Variants in WBP4 observed in about 807,000 individuals in gnomAD.
WBP4 encodes WW domain binding protein 4.
Under a neutral mutation model 55.4 loss-of-function variants are expected in WBP4, and 37 were observed. That is an observed-to-expected ratio of 0.67 (90% confidence interval 0.51 to 0.88). The LOEUF is 0.88. Ranked by LOEUF, WBP4 falls within the 40% of genes least tolerant of loss-of-function variation. The probability of loss-of-function intolerance (pLI) is 0.00; values close to 1 mark genes in which losing one functional copy is unlikely to be tolerated. For synonymous variants in WBP4, 142 were observed against 140.2 expected, an observed-to-expected ratio of 1.01 and a Z score of -0.09; for missense variants, 398 against 420.8, an observed-to-expected ratio of 0.95 and a Z score of 0.47.
chr13:41,081,743 G>C (rs549035843), intron 9 of WBP4, among the ~76,000 whole-genome samples: 1 of 152,128 alleles, frequency 6.6e-6, no homozygotes, highest in Admixed American at 6.6e-5. Flanking sequence ...GAGCCCAGGA[G>C]TTGGAGGCTG....
chr13:41,066,480 A>G (rs566900560), intron 4 of WBP4, among the ~76,000 whole-genome samples: 1 of 152,086 alleles, frequency 6.6e-6, no homozygotes, highest in Non-Finnish European at 1.5e-5. Flanking sequence ...TTTTTCCCTC[A>G]GTGATATATC....
At chr13:41,074,333 T>TGTTTTTTTAATTCCTGTTATCATTA (rs1878384040) in intron 7 of WBP4, among the ~76,000 whole-genome samples, 1 of 152,218 alleles carries the variant, frequency 6.6e-6, no homozygotes. Flanking sequence ...GGCTTGTTTT[T>TGTTTTTTTAATTCCTGTTATCATTA]GTTTTTTTAA....
At position 41,065,292 on chromosome 13, in the gene WBP4, A is replaced by C; in HGVS notation, c.262+5A>C. 9 of 592,220 alleles carry C rather than the reference A, an allele frequency of 1.5e-5. No individual in the cohort carries two copies. Among genetic ancestry groups the C allele is most frequent in the Non-Finnish European group, 2.2e-5 (9 of 406,126 alleles). The allele number at this position is 592,220 out of a possible 1,614,324, so 36.7% of individuals were successfully genotyped here. On this transcript the variant is annotated splice_donor_5th_base_variant and intron_variant, in intron 4 of 9. Transcript: ENST00000379487. The stretch of plus-strand genomic sequence containing the variant: ...AAAGACTTGGCTTAGAGTCAGGTAA[A>C]AAAAAAAAAAAAAAAAAAGCAGCCA...
intron 8 of WBP4, among the ~76,000 whole-genome samples, chr13:41,079,999 G>A (rs1566214786): frequency 6.6e-6 from 1 of 151,582 alleles, no homozygotes; most frequent in Non-Finnish European, 1.5e-5. Context: ...CTTATAAGTG[G>A]GAGCTAAACA....
At chr13:41,064,931 C>T (rs1877880573) in intron 2 of WBP4, 85 bp from the exon 3 acceptor site, 11 of 1,232,952 alleles carry the variant, frequency 8.9e-6, no homozygotes, top group Non-Finnish European at 1.2e-5. Flanking sequence ...TTAATTTTCT[C>T]ATGTTTATGA....
intron 4 of WBP4, among the ~76,000 whole-genome samples, chr13:41,066,141 T>C (rs1877963190): frequency 1.3e-5 from 2 of 152,218 alleles, no homozygotes; most frequent in Non-Finnish European, 2.9e-5. Flanking sequence ...TATGTTCATC[T>C]TGAAAGGAAA....
intron 5 of WBP4, among the ~76,000 whole-genome samples, chr13:41,070,795 G>A (rs1878209247): frequency 6.6e-6 from 1 of 152,070 alleles, no homozygotes; most frequent in Non-Finnish European, 1.5e-5. Flanking sequence ...AGCAAAAGAA[G>A]GTTAAGAATG....
intron 8 of WBP4, among the ~76,000 whole-genome samples, chr13:41,080,141 A>T (rs1878703465): frequency 6.6e-6 from 1 of 152,226 alleles, no homozygotes; most frequent in African/African-American, 2.4e-5. Flanking sequence ...GTACACTAAA[A>T]GCCCGTACTT....
chr13:41,068,927 G>A (rs535660672), intron 5 of WBP4, among the ~76,000 whole-genome samples, 190 bp downstream of exon 5: 22 of 152,210 alleles, frequency 1.4e-4, no homozygotes, highest in African/African-American at 5.3e-4. Context: ...GTGACTAAGT[G>A]TCATACTTAG....
intron 7 of WBP4, among the ~76,000 whole-genome samples, chr13:41,073,352 T>TAAC (rs1878333811): frequency 6.6e-6 from 1 of 151,782 alleles, no homozygotes; most frequent in African/African-American, 2.4e-5. Context: ...CTGTCTCTGT[T>TAAC]AAATACAAAC....
Position 41,083,682 on chromosome 13 carries a change from A to G in WBP4, c.*768A>G, listed in dbSNP as rs2138489785. ...CACTCTTTTTAGCAGTCTTATATGT[A>G]CTAGAAAAGATTTTTTAAAGTTTAT... is the stretch of plus-strand genomic sequence containing the variant. On this transcript the variant is annotated 3_prime_UTR_variant, in exon 10 of 10. Transcript: ENST00000379487. 1.3e-5 allele frequency: 2 copies of G among 152,292 alleles called. No homozygotes were observed. The highest frequency in any genetic ancestry group is 3.9e-4 in the East Asian group (2 of 5,190). 9.4% of individuals were successfully genotyped at this position (152,292 alleles called of 1,614,324 possible).
At chr13:41,062,096 GTTTTTTTTT>G (rs60658317) in intron 1 of WBP4, 38 of 805,678 alleles carry the variant, frequency 4.7e-5, no homozygotes, top group African/African-American at 1.7e-4. Context: ...TAGCGTAATG[GTTTTTTTTT>G]TTTTTTTTTT....
In WBP4 at chr13:41,076,231, G is replaced by C. The variant is rs536453615; in HGVS notation, c.750G>C (p.Lys250Asn). 11 of 1,340,444 alleles carry C rather than the reference G, an allele frequency of 8.2e-6. No homozygotes were observed. In the South Asian group the frequency reaches 1.5e-4, roughly 18 times the overall value. The allele number at this position is 1,340,444 out of a possible 1,614,324, so 83.0% of individuals were successfully genotyped here. A position where few individuals can be genotyped will look rare whatever the true frequency, so the allele number is the denominator to read the frequency against. ...VSTETEKPKI[K>N]FKEKNKNSDG... ...CAGAGACAGAAAAGCCAAAAATAAAGTTTAAGGTAGGTTTTTAAATTTTAC... is the reference window on the plus strand; with the variant it reads ...CAGAGACAGAAAAGCCAAAAATAAACTTTAAGGTAGGTTTTTAAATTTTAC... Residue 250 changes from lysine to asparagine, a missense_variant, in exon 8 of 10, where the codon AAG (lysine) becomes AAC (asparagine). Physicochemically the swap from Lys to Asn is moderately conservative, Grantham distance 94 (BLOSUM62 0). Transcript: ENST00000379487.
At chr13:41,062,096 G>GTGTTTTT in intron 1 of WBP4, 1 of 805,568 alleles carries the variant, frequency 1.2e-6, no homozygotes, top group Non-Finnish European at 1.4e-6. Context: ...TAGCGTAATG[G>GTGTTTTT]TTTTTTTTTT....
chr13:41,063,904 AT>A (rs1877823840), intron 2 of WBP4, among the ~76,000 whole-genome samples: 1 of 152,120 alleles, frequency 6.6e-6, no homozygotes, highest in South Asian at 2.1e-4. Context: ...GTAAGATTTG[AT>A]TGACAGAACT....
intron 8 of WBP4, among the ~76,000 whole-genome samples, chr13:41,076,935 C>T (rs1247414668): frequency 6.6e-6 from 1 of 152,124 alleles, no homozygotes; most frequent in Non-Finnish European, 1.5e-5. Context: ...TATAGCCAGC[C>T]AGATTTAGGT....
intron 1 of WBP4, chr13:41,062,124 T>TTG: frequency 1.0e-6 from 1 of 955,516 alleles, no homozygotes; most frequent in Non-Finnish European, 1.2e-6. Flanking sequence ...TTTTTTTTTT[T>TTG]GTCGGCCGTC....
At chr13:41,082,250 CTG>C (rs1161595817) in intron 9 of WBP4, among the ~76,000 whole-genome samples, 2 of 152,094 alleles carry the variant, frequency 1.3e-5, no homozygotes, top group Admixed American at 1.3e-4. Flanking sequence ...GTAGCTGGGA[CTG>C]TAGGCACATG....
At position 41,062,708 on chromosome 13, in the gene WBP4, A is replaced by G. The variant is rs747639099; in HGVS notation, c.67A>G (p.Asn23Asp). 8 of 1,611,158 alleles carry G rather than the reference A, an allele frequency of 5.0e-6. No homozygotes were observed. Among genetic ancestry groups the G allele is most frequent in the South Asian group, 1.1e-5 (1 of 90,638 alleles). ...TTACTGCAAGTGCTGGATAGCAGAC[A>G]ATAGGCCTGTATGATAATTCCGCTG... ...CDYCKCWIAD[N>D]RPSVEFHERG... is the part of the protein sequence containing the mutation. Residue 23 changes from asparagine to aspartate, a missense_variant, in exon 2 of 10, where the codon AAT (asparagine) becomes GAT (aspartate). Coordinates refer to ENST00000379487, the MANE Select transcript of WBP4 (RefSeq NM_007187.5).
Sources: gnomAD v4.1 joint callset for allele counts (sites outside exome capture counted in the v4.1 genomes callset) on GRCh38, gnomAD v4.1.1 for gene constraint, MANE v1.5 for transcripts, NCBI Gene and HGNC (gene_info 2026-07-23, HGNC 2026-07-21) for gene names.